IL1RAPL1: variants seen among roughly 807,000 people sequenced by gnomAD.
IL1RAPL1 encodes interleukin 1 receptor accessory protein like 1.
A neutral mutation model predicts 48.4 loss-of-function variants in IL1RAPL1; 3 were observed. The ratio of observed to expected loss-of-function variants is 0.06; its 90% confidence interval spans 0.03 to 0.16. The LOEUF is 0.16. Ranked by LOEUF, IL1RAPL1 falls within the 10% of genes least tolerant of loss-of-function variation. The pLI, the probability that IL1RAPL1 is intolerant of heterozygous loss-of-function variation, is 1.00. For missense variants in IL1RAPL1, 349 were observed against 530.6 expected, an observed-to-expected ratio of 0.66 and a Z score of 3.36; for synonymous variants, 185 against 187.7, an observed-to-expected ratio of 0.99 and a Z score of 0.12.
At chrX:28,872,535 C>T (rs970254832) in intron 2 of IL1RAPL1, among the ~76,000 whole-genome samples, 10 of 112,268 alleles carry the variant, frequency 8.9e-5, no homozygotes, top group Non-Finnish European at 1.7e-4. Context: ...GGCCCACTGC[C>T]TAGGAGTTAG....
chrX:29,010,344 C>G (rs1430928467), intron 2 of IL1RAPL1, among the ~76,000 whole-genome samples: 1 of 111,565 alleles, frequency 9.0e-6, no homozygotes, highest in Non-Finnish European at 1.9e-5. Flanking sequence ...CAAATGGTTC[C>G]AGCTTTTGAC....
At chrX:28,649,355 C>G (rs779139149) in intron 1 of IL1RAPL1, among the ~76,000 whole-genome samples, 1 of 112,161 alleles carries the variant, frequency 8.9e-6, no homozygotes, top group South Asian at 3.7e-4. Flanking sequence ...CTCCCAGTTT[C>G]TTTCACCTCC....
At chrX:29,189,914 A>G (rs1206099883) in intron 2 of IL1RAPL1, among the ~76,000 whole-genome samples, 1 of 111,837 alleles carries the variant, frequency 8.9e-6, no homozygotes, top group Admixed American at 9.6e-5. Flanking sequence ...GAGGCATTAG[A>G]AGAAGTATGA....
At chrX:28,932,303 T>G (rs896676142) in intron 2 of IL1RAPL1, among the ~76,000 whole-genome samples, 1 of 111,340 alleles carries the variant, frequency 9.0e-6, no homozygotes, top group African/African-American at 3.3e-5. Context: ...TTTATTTTGC[T>G]CTTAGCAAAA....
chrX:29,385,390 G>T (rs1484866234), intron 3 of IL1RAPL1, among the ~76,000 whole-genome samples: 1 of 112,216 alleles, frequency 8.9e-6, no homozygotes, highest in Non-Finnish European at 1.9e-5. Context: ...GGAGGCGGAG[G>T]TTGCGGTGAG....
At chrX:29,729,036 A>C (rs1017139198) in intron 6 of IL1RAPL1, among the ~76,000 whole-genome samples, 1 of 111,696 alleles carries the variant, frequency 9.0e-6, no homozygotes, top group Non-Finnish European at 1.9e-5. Context: ...CAGTCTATTA[A>C]ATCCTGGGCT....
chrX:28,920,906 C>T, intron 2 of IL1RAPL1, among the ~76,000 whole-genome samples: 1 of 111,857 alleles, frequency 8.9e-6, no homozygotes, highest in Admixed American at 9.5e-5. Context: ...CTGGTTCTTA[C>T]ATTGAGAGAA....
intron 3 of IL1RAPL1, among the ~76,000 whole-genome samples, chrX:29,296,444 T>G (rs1932450863): frequency 9.0e-6 from 1 of 111,347 alleles, no homozygotes; most frequent in Non-Finnish European, 1.9e-5. Context: ...TGACTCAATA[T>G]CCTATTTCTG....
chrX:28,733,056 CTA>C (rs1474965885), intron 1 of IL1RAPL1, among the ~76,000 whole-genome samples: 2 of 109,573 alleles, frequency 1.8e-5, no homozygotes, highest in African/African-American at 6.7e-5. Context: ...ATAGTAGTGA[CTA>C]TTTCATAGAG....
chrX:28,730,336 G>A, intron 1 of IL1RAPL1, among the ~76,000 whole-genome samples: 1 of 111,403 alleles, frequency 9.0e-6, no homozygotes, highest in East Asian at 2.8e-4. Flanking sequence ...AAGGGCTATA[G>A]AAACTGTTTC....
intron 6 of IL1RAPL1, among the ~76,000 whole-genome samples, chrX:29,835,874 C>CTTTT (rs1224744076): frequency 1.5e-5 from 1 of 64,858 alleles, no homozygotes; most frequent in African/African-American, 7.6e-5. Flanking sequence ...TTATTTGAGT[C>CTTTT]TTCTTTTTTT....
At chrX:28,993,474 A>G (rs753212614) in intron 2 of IL1RAPL1, among the ~76,000 whole-genome samples, 1 of 111,674 alleles carries the variant, frequency 9.0e-6, no homozygotes, top group South Asian at 3.7e-4. Flanking sequence ...TTGAAGATAC[A>G]ATTGGCAAGG....
At chrX:29,417,373 A>G (rs1246527084) in intron 5 of IL1RAPL1, among the ~76,000 whole-genome samples, 1 of 112,283 alleles carries the variant, frequency 8.9e-6, no homozygotes, top group Non-Finnish European at 1.9e-5. Flanking sequence ...CAAGTCTTTT[A>G]GTCATTATAT....
At chrX:28,660,751 G>A (rs189967120) in intron 1 of IL1RAPL1, among the ~76,000 whole-genome samples, 1 of 111,603 alleles carries the variant, frequency 9.0e-6, no homozygotes, top group East Asian at 2.8e-4. Flanking sequence ...GACACCACCA[G>A]CTTATATCGA....
intron 2 of IL1RAPL1, among the ~76,000 whole-genome samples, chrX:28,875,402 A>C (rs1922342259): frequency 8.9e-6 from 1 of 112,619 alleles, no homozygotes; most frequent in Non-Finnish European, 1.9e-5. Flanking sequence ...TATCAGTCAG[A>C]ATAGTCTAGG....
intron 2 of IL1RAPL1, among the ~76,000 whole-genome samples, chrX:28,919,957 T>C (rs1331140849): frequency 8.9e-6 from 1 of 112,027 alleles, no homozygotes; most frequent in African/African-American, 3.2e-5. Flanking sequence ...ATTTGTCTGA[T>C]TGTACTACGG....
chrX:28,808,246 T>C (rs959877581), intron 2 of IL1RAPL1, among the ~76,000 whole-genome samples: 3 of 111,365 alleles, frequency 2.7e-5, no homozygotes, highest in African/African-American at 9.8e-5. Context: ...TAAAATCAGA[T>C]GTTTTGAGTT....
chrX:29,910,285 T>C (rs1932741806), intron 6 of IL1RAPL1, among the ~76,000 whole-genome samples: 1 of 110,686 alleles, frequency 9.0e-6, no homozygotes, highest in South Asian at 3.9e-4. Context: ...GATACCATGC[T>C]TATAACCTGG....
At chrX:28,859,844 A>G (rs1458461412) in intron 2 of IL1RAPL1, among the ~76,000 whole-genome samples, 1 of 109,776 alleles carries the variant, frequency 9.1e-6, no homozygotes, top group African/African-American at 3.3e-5. Context: ...TCTCTTACAA[A>G]AAAGATCTTA....
Sources: allele counts gnomAD v4.1 joint callset (sites outside exome capture counted in the v4.1 genomes callset), GRCh38; gene constraint gnomAD v4.1.1; transcripts MANE v1.5; gene names NCBI Gene and HGNC (gene_info 2026-07-23, HGNC 2026-07-21).